The following PRKCE variants were observed in gnomAD, a reference collection of about 807,000 sequenced individuals.
PRKCE encodes protein kinase C epsilon type.
In PRKCE, 16 loss-of-function variants were observed where a neutral mutation model predicts 85.4. The ratio of observed to expected loss-of-function variants is 0.19; its 90% confidence interval spans 0.13 to 0.28. PRKCE has a LOEUF of 0.28. PRKCE is among the 10% of genes least tolerant of loss of function. The pLI is 1.00. For missense variants in PRKCE, 573 were observed against 975.2 expected, an observed-to-expected ratio of 0.59 and a Z score of 5.49; for synonymous variants, 388 against 371.5, an observed-to-expected ratio of 1.04 and a Z score of -0.51.
rs1022745789 is a variant in PRKCE at position 45,745,387 on chromosome 2, A to G, written c.348+92939A>G. ...TCACCCTGGGGAGGCTTCTTTCCCT[A>G]TCTGCTCTGTTGTGCTTCGCTTTCT... On this transcript the variant is annotated intron_variant, in intron 1 of 14. Transcript: ENST00000306156. Among the ~76,000 whole-genome samples the G allele has an allele frequency of 1.2e-4, 19 of 152,092 alleles. 1 individual carries two copies. The highest frequency in any genetic ancestry group is 3.6e-4 in the African/African-American group (15 of 41,488).
chr2:46,159,752 T>A lies in PRKCE; in HGVS notation c.2067T>A (p.Ile689=). 6.3e-7 allele frequency: 1 copy of A among 1,599,210 alleles called. No homozygotes were observed. The highest frequency in any genetic ancestry group is 8.5e-7 in the Non-Finnish European group (1 of 1,179,762). The part of the protein sequence containing the change: ...KKIKPPFKPR[I]KTKRDVNNFD... ...TCAAGCCACCCTTCAAACCACGCAT[T>A]GTAAGTTGGTCCCCGTGCACGTTCA... is the stretch of plus-strand genomic sequence containing the variant. Residue 689 remains isoleucine (I), a splice_region_variant and synonymous_variant, in exon 14 of 15, where the codon ATT becomes ATA. Coordinates refer to ENST00000306156, the MANE Select transcript of PRKCE (RefSeq NM_005400.3). This position sits in a 1 kb window ranked among gnomAD's most constrained non-coding sequence, Gnocchi z 4.1.
intron 2 of PRKCE, among the ~76,000 whole-genome samples, chr2:45,910,414 C>G (rs1446712297): frequency 6.6e-6 from 1 of 152,164 alleles, no homozygotes; most frequent in East Asian, 1.9e-4. Context: ...ACATCCGTGT[C>G]CACAATCATG....
chr2:45,670,700 A>G (rs1311339232), intron 1 of PRKCE, among the ~76,000 whole-genome samples: 2 of 152,222 alleles, frequency 1.3e-5, no homozygotes, highest in Non-Finnish European at 2.9e-5. Context: ...TACTAACCCA[A>G]ACAATTCCAT....
rs150752527 is a variant in PRKCE at position 46,070,664 on chromosome 2, A to G, written c.1438-15544A>G. The stretch of plus-strand genomic sequence containing the variant: ...TCTCAAAAAAAAAACAAAAACAAAA[A>G]CAAAGGTGGCATTTTATTGACAGCT... On this transcript the variant is annotated intron_variant, in intron 10 of 14. Transcript: ENST00000306156. Among the ~76,000 whole-genome samples the G allele has an allele frequency of 6.9e-3, 1,044 of 152,118 alleles. 15 individuals carry two copies. Among genetic ancestry groups the G allele is most frequent in the South Asian group, 0.024 (113 of 4,808 alleles).
At chr2:45,671,921 G>T (rs916675205) in intron 1 of PRKCE, among the ~76,000 whole-genome samples, 2 of 152,052 alleles carry the variant, frequency 1.3e-5, no homozygotes, top group African/African-American at 2.4e-5. Flanking sequence ...AAATTATCTA[G>T]GCATGACGGC....
intron 1 of PRKCE, among the ~76,000 whole-genome samples, chr2:45,726,771 C>T (rs1464572): frequency 0.37 from 55,960 of 151,928 alleles, 10,433 homozygotes; most frequent in South Asian, 0.5. Context: ...CCTGTGGCTA[C>T]TGATCCTATT....
intron 1 of PRKCE, among the ~76,000 whole-genome samples, chr2:45,789,075 C>T (rs771786707): frequency 3.9e-5 from 6 of 152,186 alleles, no homozygotes; most frequent in Middle Eastern, 3.4e-3. Context: ...GCAAAACCAC[C>T]GCACTGAAGA....
chr2:45,668,215 C>A lies in PRKCE; in HGVS notation c.348+15767C>A, dbSNP rs1359406389. Among the ~76,000 whole-genome samples, 4 of 152,192 alleles carry A rather than the reference C, an allele frequency of 2.6e-5. No individual in the cohort carries two copies. The East Asian group carries it at 7.7e-4, about 29-fold the overall frequency. ...AATTAGCCGGGGATGGTGGTGAGCG[C>A]CTGTACTCTCAGCTACTCAGGAGGC... On this transcript the variant is annotated intron_variant, in intron 1 of 14. Transcript: ENST00000306156.
At chr2:45,674,906 G>T (rs536340072) in intron 1 of PRKCE, 2 of 152,194 alleles carry the variant, frequency 1.3e-5, no homozygotes, top group Admixed American at 6.5e-5. Context: ...TGAACTGTTT[G>T]TCTGGGAAAT....
chr2:45,753,660 T>A (rs896437282), intron 1 of PRKCE, among the ~76,000 whole-genome samples: 14 of 151,320 alleles, frequency 9.3e-5, no homozygotes, highest in Non-Finnish European at 1.9e-4. Context: ...CCTGGAGCTT[T>A]AAAAAAAAAC....
intron 1 of PRKCE, among the ~76,000 whole-genome samples, chr2:45,799,056 C>T (rs779427008): frequency 4.6e-5 from 7 of 151,912 alleles, no homozygotes; most frequent in Non-Finnish European, 5.9e-5. Context: ...GTCCCAGCTA[C>T]TCAGGAGGCT....
rs565250189 is a variant in PRKCE, at chr2:45,986,963, G to C, written c.823+2283G>C. On this transcript the variant is annotated intron_variant, in intron 6 of 14. Coordinates refer to ENST00000306156, the MANE Select transcript of PRKCE (RefSeq NM_005400.3). ...TCTAGCAGAGGAGTGATGTGCTTTT[G>C]GAAAGATTAGTGTGGTTGCCGGGAA... Among the ~76,000 whole-genome samples, 315 of 152,174 alleles carry C rather than the reference G, an allele frequency of 2.1e-3. 2 individuals are homozygous for C. The highest frequency in any genetic ancestry group is 7.2e-3 in the African/African-American group (299 of 41,520).
intron 10 of PRKCE, among the ~76,000 whole-genome samples, chr2:46,066,733 A>G (rs1184977400): frequency 6.6e-6 from 1 of 152,174 alleles, no homozygotes. Flanking sequence ...CGTGGGAACT[A>G]TGTCCTGGGC....
chr2:45,712,705 G>C lies in PRKCE; in HGVS notation c.348+60257G>C, dbSNP rs374033739. Among the ~76,000 whole-genome samples, 6 of 152,044 alleles carry C rather than the reference G, an allele frequency of 3.9e-5. No homozygotes were observed. In the East Asian group the frequency reaches 7.7e-4, roughly 20 times the overall value. On this transcript the variant is annotated intron_variant, in intron 1 of 14. Coordinates refer to ENST00000306156, the MANE Select transcript of PRKCE (RefSeq NM_005400.3). ...GGGCCTTTTGCCTTTTTTCCATCCAGCTCAAGTGTCAGCTCCTCCCTGTAC... is the reference window on the plus strand; with the variant it reads ...GGGCCTTTTGCCTTTTTTCCATCCACCTCAAGTGTCAGCTCCTCCCTGTAC...
At chr2:45,936,587 G>T (rs1046738023) in intron 2 of PRKCE, among the ~76,000 whole-genome samples, 2 of 152,152 alleles carry the variant, frequency 1.3e-5, no homozygotes, top group Non-Finnish European at 2.9e-5. Flanking sequence ...CTGGTGGAAG[G>T]GTTTGGAAAA....
In PRKCE at chr2:46,037,767, G is replaced by C. The variant is rs965175347; in HGVS notation, c.1437+27250G>C. 3.9e-5 allele frequency among the ~76,000 whole-genome samples: 6 copies of C among 152,282 alleles called. No individual in the cohort carries two copies. In the East Asian group the frequency reaches 9.6e-4, roughly 24 times the overall value. On this transcript the variant is annotated intron_variant, in intron 10 of 14. Transcript: ENST00000306156. ...TACAGTCAGATTACAGGGGGTATCA[G>C]GAGGCCTTTGAGAGTCAGGAAGAAA... is the stretch of plus-strand genomic sequence containing the variant.
intron 10 of PRKCE, among the ~76,000 whole-genome samples, chr2:46,024,022 C>T (rs1295559440): frequency 6.6e-6 from 1 of 152,166 alleles, no homozygotes; most frequent in Admixed American, 6.5e-5. Context: ...AGCGGCAGAG[C>T]CTAAATTCAA....
intron 9 of PRKCE, among the ~76,000 whole-genome samples, chr2:46,008,198 T>C (rs1705366850): frequency 6.6e-6 from 1 of 152,124 alleles, no homozygotes; most frequent in African/African-American, 2.4e-5. Context: ...GGCAAGAAAA[T>C]GGGAATAATC....
chr2:45,660,529 G>T (rs1675588785), intron 1 of PRKCE, among the ~76,000 whole-genome samples: 1 of 152,026 alleles, frequency 6.6e-6, no homozygotes, highest in African/African-American at 2.4e-5. Context: ...TTCTCATCAG[G>T]GCTTTAGATA....
Sources: allele counts gnomAD v4.1 joint callset (sites outside exome capture counted in the v4.1 genomes callset), GRCh38; gene constraint gnomAD v4.1.1; non-coding constraint Gnocchi (gnomAD v3.1); transcripts MANE v1.5; gene names NCBI Gene and HGNC (gene_info 2026-07-23, HGNC 2026-07-21).